SYT17: variants seen among roughly 807,000 people sequenced by gnomAD.
SYT17 encodes the protein synaptotagmin 17.
SYT17 carries 22 observed loss-of-function variants against 46.7 expected under a neutral mutation model. That is an observed-to-expected ratio of 0.47 (90% CI 0.34 to 0.67). The LOEUF (loss-of-function observed/expected upper bound fraction) is 0.67. Ranked by LOEUF, SYT17 falls within the 30% of genes least tolerant of loss-of-function variation. The pLI, the probability that SYT17 is intolerant of heterozygous loss-of-function variation, is 0.01. For synonymous variants in SYT17, 251 were observed against 248.4 expected (o/e 1.01, Z -0.10); for missense variants, 519 against 612.8 (o/e 0.85, Z 1.62).
chr16:19,239,860 C>G (rs758315881), intron 7 of SYT17, among the ~76,000 whole-genome samples: 1 of 152,166 alleles, frequency 6.6e-6, no homozygotes, highest in African/African-American at 2.4e-5. Context: ...TGTGAGCAAA[C>G]GAGCATGGGG....
chr16:19,257,396 C>CAAAA (rs5816041), intron 7 of SYT17, among the ~76,000 whole-genome samples: 15 of 128,110 alleles, frequency 1.2e-4, no homozygotes, highest in African/African-American at 4.3e-4. Context: ...CCTTGTTTTG[C>CAAAA]AAAAAAAAAA....
In SYT17 at chr16:19,185,901, A is replaced by ACTAAGATATT. The variant is rs2142612106; in HGVS notation, c.951+1755_951+1756insTAAGATATTC. On this transcript the variant is annotated intron_variant, in intron 5 of 7. Coordinates refer to ENST00000355377, the MANE Select transcript of SYT17 (RefSeq NM_016524.4). ...CCTTCCAGTGCACTAAGCGGTAATC[A>ACTAAGATATT]CACCTGGTGAATATCTAATTGGGCA... Among the ~76,000 whole-genome samples, 4 of 152,238 alleles carry ACTAAGATATT rather than the reference A, an allele frequency of 2.6e-5. No homozygotes were observed. In the South Asian group the frequency reaches 8.3e-4, roughly 32 times the overall value.
chr16:19,171,683 A>G (rs1423283993), intron 1 of SYT17: 1 of 152,028 alleles, frequency 6.6e-6, no homozygotes, highest in Non-Finnish European at 1.5e-5. Flanking sequence ...TTTTATTTTT[A>G]CTTTAAAAAA....
chr16:19,256,848 G>T (rs1384187102), intron 7 of SYT17, among the ~76,000 whole-genome samples: 2 of 152,114 alleles, frequency 1.3e-5, no homozygotes, highest in African/African-American at 4.8e-5. Context: ...GAAGTGCTGG[G>T]ATTACAGGCA....
At chr16:19,261,423 C>G (rs1202901849) in intron 7 of SYT17, among the ~76,000 whole-genome samples, 1 of 152,242 alleles carries the variant, frequency 6.6e-6, no homozygotes, top group East Asian at 1.9e-4. Context: ...TCCCACCTTT[C>G]AAGGGCCAAG....
Position 19,168,776 on chromosome 16 carries a change from G to T in SYT17, c.15+115G>T. ...GGCTAGGCTCCCACAAACTTGCTTCGAGAAAAAGGGTGCCCGTGCGCGGGC... is the reference window on the plus strand; with the variant it reads ...GGCTAGGCTCCCACAAACTTGCTTCTAGAAAAAGGGTGCCCGTGCGCGGGC... On this transcript the variant is annotated intron_variant, in intron 1 of 7. Transcript: ENST00000355377. This position sits in a 1 kb window ranked among gnomAD's most constrained non-coding sequence, Gnocchi z 6.9. The T allele has an allele frequency of 1.5e-6, 2 of 1,303,476 alleles. No homozygotes were observed. Among genetic ancestry groups the T allele is most frequent in the East Asian group, 3.0e-5 (1 of 32,864 alleles). The allele number at this position is 1,303,476 out of a possible 1,614,324, so 80.7% of individuals were successfully genotyped here.
chr16:19,240,423 A>G (rs72779575), intron 7 of SYT17, among the ~76,000 whole-genome samples: 6,239 of 152,216 alleles, frequency 0.041, 178 homozygotes, highest in Non-Finnish European at 0.062. Flanking sequence ...TCTCTCTGCT[A>G]GGCAGGTCAT....
chr16:19,264,121 G>C (rs1170855430), intron 7 of SYT17, among the ~76,000 whole-genome samples: 1 of 152,176 alleles, frequency 6.6e-6, no homozygotes, highest in African/African-American at 2.4e-5. Flanking sequence ...TGAGGAAGCA[G>C]CTTCTCACCA....
intron 7 of SYT17, among the ~76,000 whole-genome samples, chr16:19,256,897 G>C (rs1281281793): frequency 6.6e-6 from 1 of 152,074 alleles, no homozygotes; most frequent in Non-Finnish European, 1.5e-5. Flanking sequence ...TGAGATAAAG[G>C]AAGAAATTAG....
intron 5 of SYT17, among the ~76,000 whole-genome samples, chr16:19,197,266 A>T (rs1965284839): frequency 6.6e-6 from 1 of 152,256 alleles, no homozygotes; most frequent in Admixed American, 6.5e-5. Context: ...CAAAGCAGCC[A>T]TTAACTAGAA....
intron 5 of SYT17, chr16:19,211,161 G>A: frequency 2.4e-6 from 1 of 414,592 alleles, no homozygotes; most frequent in South Asian, 5.3e-5. Context: ...AAGCGCATCG[G>A]GCTCTTACAA....
At chr16:19,262,507 G>A (rs1969052221) in intron 7 of SYT17, among the ~76,000 whole-genome samples, 1 of 152,148 alleles carries the variant, frequency 6.6e-6, no homozygotes, top group South Asian at 2.1e-4. Flanking sequence ...CTAAGAAAGG[G>A]GAAAGAGTCC....
At chr16:19,254,964 T>G (rs762669466) in intron 7 of SYT17, among the ~76,000 whole-genome samples, 1 of 152,172 alleles carries the variant, frequency 6.6e-6, no homozygotes, top group Non-Finnish European at 1.5e-5. Flanking sequence ...AAAAGAAATT[T>G]CAACCTTGAC....
At chr16:19,249,585 GT>G (rs1967879796) in intron 7 of SYT17, among the ~76,000 whole-genome samples, 1 of 152,160 alleles carries the variant, frequency 6.6e-6, no homozygotes, top group Non-Finnish European at 1.5e-5. Context: ...GAAACAAGTG[GT>G]TGTGGGTTTA....
At chr16:19,216,067 A>T (rs1325032044) in intron 5 of SYT17, among the ~76,000 whole-genome samples, 1 of 152,160 alleles carries the variant, frequency 6.6e-6, no homozygotes, top group East Asian at 1.9e-4. Flanking sequence ...GTGGGAATTC[A>T]AGATGAGATT....
chr16:19,208,725 T>A lies in SYT17; in HGVS notation c.952-14320T>A, dbSNP rs188193960. The stretch of plus-strand genomic sequence containing the variant: ...CTGGTGGTTGGCTGGCAATATTTGG[T>A]GTCTATTGGCTTATAGATCTCTGCC... On this transcript the variant is annotated intron_variant, in intron 5 of 7. Transcript: ENST00000355377. 3.0e-4 allele frequency among the ~76,000 whole-genome samples: 45 copies of A among 152,138 alleles called. 1 individual carries two copies. Among genetic ancestry groups the A allele is most frequent in the Admixed American group, 5.2e-4 (8 of 15,278 alleles).
chr16:19,197,098 C>T (rs566546803), intron 5 of SYT17, among the ~76,000 whole-genome samples: 1 of 152,314 alleles, frequency 6.6e-6, no homozygotes, highest in South Asian at 2.1e-4. Context: ...ATGAGAAATC[C>T]CTCTTTAACT....
At chr16:19,213,892 G>C (rs1965996126) in intron 5 of SYT17, among the ~76,000 whole-genome samples, 2 of 152,164 alleles carry the variant, frequency 1.3e-5, no homozygotes, top group Non-Finnish European at 2.9e-5. Flanking sequence ...TCAGGGTACA[G>C]TTATGTATTT....
Position 19,242,697 on chromosome 16 carries a change from T to C in SYT17, c.1228+17859T>C, listed in dbSNP as rs139294778. On this transcript the variant is annotated intron_variant, in intron 7 of 7. Coordinates refer to ENST00000355377, the MANE Select transcript of SYT17 (RefSeq NM_016524.4). ...TGTGCCACCATGCCTGGCTAATTTT[T>C]GTACTTTTTTTTGTAGAGATGGGGT... Among the ~76,000 whole-genome samples the C allele has an allele frequency of 5.0e-3, 761 of 152,184 alleles. 7 individuals are homozygous for C. The highest frequency in any genetic ancestry group is 0.017 in the African/African-American group (707 of 41,510).
Sources: gnomAD v4.1 joint callset for allele counts (sites outside exome capture counted in the v4.1 genomes callset) on GRCh38, gnomAD v4.1.1 for gene constraint, Gnocchi (gnomAD v3.1) non-coding constraint, MANE v1.5 for transcripts, NCBI Gene and HGNC (gene_info 2026-07-23, HGNC 2026-07-21) for gene names.